Variants in DACH1 observed in about 807,000 individuals in gnomAD.
The protein encoded by DACH1 is dachshund homolog 1.
In DACH1, 12 loss-of-function variants were observed where a neutral mutation model predicts 54.2. The observed-to-expected ratio is 0.22, with a 90% CI of 0.14 to 0.36. The LOEUF (loss-of-function observed/expected upper bound fraction) is 0.36, where lower values mean the gene tolerates loss of function less well. Among genes scored for constraint, DACH1 ranks in the 10% least tolerant of loss-of-function variants. The pLI is 1.00. For synonymous variants in DACH1, 386 were observed against 366.2 expected (o/e 1.05, Z -0.62); for missense variants, 805 against 929.8 (o/e 0.87, Z 1.75).
chr13:71,476,337 A>T (rs539959592), intron 8 of DACH1, among the ~76,000 whole-genome samples: 2 of 152,224 alleles, frequency 1.3e-5, no homozygotes, highest in South Asian at 4.1e-4. Flanking sequence ...TGTTAGACCA[A>T]CTCAGTTTTT....
intron 2 of DACH1, among the ~76,000 whole-genome samples, chr13:71,648,618 G>A (rs1262709410): frequency 6.6e-6 from 1 of 152,158 alleles, no homozygotes; most frequent in East Asian, 1.9e-4. Context: ...AAGACTAAGA[G>A]CTGTGTTCCA....
At chr13:71,771,415 C>T (rs1044480821) in intron 1 of DACH1, among the ~76,000 whole-genome samples, 6 of 151,328 alleles carry the variant, frequency 4.0e-5, no homozygotes, top group Non-Finnish European at 3.0e-5. Flanking sequence ...AAGTCGGCCA[C>T]GAAATTGTTG....
chr13:71,476,300 C>G (rs1877517033), intron 8 of DACH1, among the ~76,000 whole-genome samples: 1 of 152,088 alleles, frequency 6.6e-6, no homozygotes, highest in Non-Finnish European at 1.5e-5. Flanking sequence ...AATGGAGCAT[C>G]TCCCCTAAAA....
At chr13:71,710,476 GTGTGTGTGTGTGTGTGTTTA>G (rs1882669690) in intron 1 of DACH1, among the ~76,000 whole-genome samples, 1 of 150,366 alleles carries the variant, frequency 6.7e-6, no homozygotes, top group African/African-American at 2.5e-5. Flanking sequence ...GTGTGTGTGT[GTGTGTGTGTGTGTGTGTTTA>G]TGTGTGTGTG....
At position 71,461,163 on chromosome 13, in the gene DACH1, A is replaced by T. The variant is rs188218965; in HGVS notation, c.2083+13978T>A. 8.8e-4 allele frequency among the ~76,000 whole-genome samples: 134 copies of T among 152,210 alleles called. 1 individual carries two copies. The highest frequency in any genetic ancestry group is 3.1e-3 in the African/African-American group (129 of 41,562). On this transcript the variant is annotated intron_variant, in intron 10 of 10. Coordinates refer to ENST00000613252, the MANE Select transcript of DACH1 (RefSeq NM_080759.6). The stretch of plus-strand genomic sequence containing the variant: ...AATAATTAGAATTTACATAATAAAA[A>T]TATTGGGCATTTTTATCCTTTGCAA...
chr13:71,517,614 ACGTT>A (rs769813080), intron 6 of DACH1, among the ~76,000 whole-genome samples: 2 of 151,928 alleles, frequency 1.3e-5, no homozygotes, highest in Non-Finnish European at 2.9e-5. Context: ...TACCAAATAA[ACGTT>A]AAGGAAATAA....
At chr13:71,550,462 T>C (rs918365743) in intron 6 of DACH1, among the ~76,000 whole-genome samples, 2 of 152,136 alleles carry the variant, frequency 1.3e-5, no homozygotes, top group African/African-American at 4.8e-5. Flanking sequence ...GGACAGAGGA[T>C]GTTTGAGAAA....
In DACH1 at chr13:71,591,516, A is replaced by C. The variant is rs77710293; in HGVS notation, c.1127-18504T>G. ...TTACACTTTTGCAAAACTCTTTACT[A>C]AATGGCTTGAAAGAAGTCACTTAGA... On this transcript the variant is annotated intron_variant, in intron 3 of 10. Coordinates refer to ENST00000613252, the MANE Select transcript of DACH1 (RefSeq NM_080759.6). Among the ~76,000 whole-genome samples, 1,456 of 152,310 alleles carry C rather than the reference A, an allele frequency of 9.6e-3. 19 individuals carry two copies. The highest frequency in any genetic ancestry group is 0.032 in the African/African-American group (1,329 of 41,566).
Position 71,440,626 on chromosome 13 carries a change from A to G in DACH1, c.*29T>C, listed in dbSNP as rs200924843. ...ATGTCTGACTGCAAAGTTCTTTTCT[A>G]TAACATGGATTTCTTCAACAGGAAA... On this transcript the variant is annotated 3_prime_UTR_variant, in exon 11 of 11. Transcript: ENST00000613252. 7.0e-6 allele frequency: 11 copies of G among 1,576,272 alleles called. No individual in the cohort carries two copies. The highest frequency in any genetic ancestry group is 1.8e-5 in the Admixed American group (1 of 54,634).
At chr13:71,741,381 CT>C (rs1256713177) in intron 1 of DACH1, among the ~76,000 whole-genome samples, 1 of 152,286 alleles carries the variant, frequency 6.6e-6, no homozygotes, top group African/African-American at 2.4e-5. Context: ...CAAACAAGAA[CT>C]TTGTTCGTCT....
intron 1 of DACH1, among the ~76,000 whole-genome samples, chr13:71,800,878 T>TGAAAAAAAATCTCTGCAACAATA (rs1555324807): frequency 0.023 from 3,519 of 151,418 alleles, 131 homozygotes; most frequent in African/African-American, 0.08. Flanking sequence ...TCTGCAACAA[T>TGAAAAAAAATCTCTGCAACAATA]AAAAAAAATA....
At chr13:71,638,498 T>A (rs936992918) in intron 2 of DACH1, among the ~76,000 whole-genome samples, 1 of 152,204 alleles carries the variant, frequency 6.6e-6, no homozygotes, top group South Asian at 2.1e-4. Flanking sequence ...TTCATATACA[T>A]GATACATCAT....
chr13:71,500,420 T>C (rs1879812491), intron 6 of DACH1, among the ~76,000 whole-genome samples: 1 of 152,170 alleles, frequency 6.6e-6, no homozygotes, highest in Admixed American at 6.5e-5. Context: ...GTGTCATTGC[T>C]ATGTGAATAA....
chr13:71,609,656 C>A (rs185493520), intron 3 of DACH1, among the ~76,000 whole-genome samples: 1 of 151,874 alleles, frequency 6.6e-6, no homozygotes, highest in Non-Finnish European at 1.5e-5. Flanking sequence ...CTCCTGAGTA[C>A]CTGGGATTAC....
At chr13:71,689,261 G>A (rs1006174057) in intron 1 of DACH1, among the ~76,000 whole-genome samples, 9 of 152,118 alleles carry the variant, frequency 5.9e-5, no homozygotes, top group Non-Finnish European at 1.2e-4. Context: ...AGAATGGGGG[G>A]CTTTACCCTT....
chr13:71,589,593 T>C (rs1054729433), intron 3 of DACH1, among the ~76,000 whole-genome samples: 2 of 151,992 alleles, frequency 1.3e-5, no homozygotes, highest in African/African-American at 4.8e-5. Flanking sequence ...GTATTAAAAA[T>C]GTGAACATGG....
chr13:71,495,444 A>C (rs1176776899), intron 6 of DACH1, among the ~76,000 whole-genome samples: 1 of 152,056 alleles, frequency 6.6e-6, no homozygotes, highest in African/African-American at 2.4e-5. Flanking sequence ...GTTTTGGCAA[A>C]CTTACTAGAC....
intron 1 of DACH1, chr13:71,704,658 G>C (rs973611730): frequency 9.1e-6 from 3 of 328,804 alleles, no homozygotes; most frequent in African/African-American, 6.7e-5. Flanking sequence ...TGGCTTAAAA[G>C]GTATTTAAAA....
At chr13:71,814,371 C>T (rs1438395964) in intron 1 of DACH1, among the ~76,000 whole-genome samples, 1 of 152,184 alleles carries the variant, frequency 6.6e-6, no homozygotes, top group Non-Finnish European at 1.5e-5. Context: ...TTAATTCTTC[C>T]TTCACATAAT....
Sources: gnomAD v4.1 joint callset for allele counts (sites outside exome capture counted in the v4.1 genomes callset) on GRCh38, gnomAD v4.1.1 for gene constraint, MANE v1.5 for transcripts, NCBI Gene and HGNC (gene_info 2026-07-23, HGNC 2026-07-21) for gene names.